HSPH1: variants seen among roughly 807,000 people sequenced by gnomAD.
The protein encoded by HSPH1 is heat shock protein 105 kDa.
Under a neutral mutation model 100.0 loss-of-function variants are expected in HSPH1, and 40 were observed. That is an observed-to-expected ratio of 0.40 (90% CI 0.31 to 0.52). The LOEUF is 0.52. HSPH1 is among the 20% of genes least tolerant of loss of function. HSPH1 has a pLI of 0.54. For synonymous variants in HSPH1, 403 were observed against 344.0 expected (o/e 1.17, Z -1.90); for missense variants, 876 against 1,015.1 (o/e 0.86, Z 1.86).
rs942819182 is a variant in HSPH1 at position 31,138,221 on chromosome 13, AG to A, written c.2370+185del. On this transcript the variant is annotated intron_variant, in intron 17 of 17. Transcript: ENST00000320027. ...GTTGAAATGAATGAATAAATGGAGA[AG>A]TGGAAATTCAACAAACTTATGAGGT... Among the ~76,000 whole-genome samples, 100 of 152,288 alleles carry A rather than the reference AG, an allele frequency of 6.6e-4. 1 individual carries two copies. Among genetic ancestry groups the A allele is most frequent in the Non-Finnish European group, 1.6e-4 (11 of 67,982 alleles).
chr13:31,139,501 G>T (rs1190431434), intron 14 of HSPH1, among the ~76,000 whole-genome samples: 1 of 151,950 alleles, frequency 6.6e-6, no homozygotes, highest in African/African-American at 2.4e-5. Context: ...GCCCTGGGAG[G>T]TCCTACCTGG....
chr13:31,147,621 G>A (rs1029160612), intron 10 of HSPH1, among the ~76,000 whole-genome samples: 3 of 152,066 alleles, frequency 2.0e-5, no homozygotes, highest in African/African-American at 7.2e-5. Context: ...TAGAGAAAAA[G>A]TTAGTATTAA....
intron 1 of HSPH1, among the ~76,000 whole-genome samples, chr13:31,160,784 C>CA (rs992329541): frequency 8.5e-4 from 128 of 149,788 alleles, no homozygotes; most frequent in African/African-American, 2.6e-3. Context: ...TGGCAAAGAG[C>CA]AAAAAAAAAG....
chr13:31,140,377 A>C, intron 13 of HSPH1, 68 bp from the exon 14 acceptor site: 6 of 1,450,862 alleles, frequency 4.1e-6, no homozygotes, highest in Non-Finnish European at 4.7e-6. Flanking sequence ...AAATATGTAG[A>C]CTCTGGGGTT....
chr13:31,162,114 C>T, upstream of HSPH1: 5 of 1,535,348 alleles, frequency 3.3e-6, no homozygotes, highest in Non-Finnish European at 4.4e-6. Flanking sequence ...AGGGCCGCTC[C>T]CGTGCCATTG....
At chr13:31,160,313 G>T (rs571935492) in intron 1 of HSPH1, among the ~76,000 whole-genome samples, 2 of 152,240 alleles carry the variant, frequency 1.3e-5, no homozygotes, top group South Asian at 4.1e-4. Context: ...CGTACAGGTT[G>T]CTCAGAACAG....
intron 10 of HSPH1, among the ~76,000 whole-genome samples, chr13:31,146,931 G>T (rs1036189117): frequency 6.6e-6 from 1 of 152,116 alleles, no homozygotes; most frequent in Non-Finnish European, 1.5e-5. Context: ...TAAACACACA[G>T]AACTATAGAT....
At chr13:31,137,570 A>G (rs751363773) in intron 17 of HSPH1, 46 bp from the exon 18 acceptor site, 2 of 1,440,588 alleles carry the variant, frequency 1.4e-6, no homozygotes, top group Non-Finnish European at 1.9e-6. Context: ...AGATCCATCC[A>G]GTTCATTTTC....
At chr13:31,142,630 C>G (rs1235557617) in intron 12 of HSPH1, among the ~76,000 whole-genome samples, 1 of 152,040 alleles carries the variant, frequency 6.6e-6, no homozygotes, top group Admixed American at 6.6e-5. Flanking sequence ...CTGACAAAAC[C>G]AGCATCACAA....
rs1047565054 is a variant in HSPH1 at position 31,151,989 on chromosome 13, C to T, written c.530-247G>A. Reference sequence around the variant, plus strand: ...GAGATGTGCTAGACAAAACATATGGCGTGAATACAGTGAAACATAACCACG... The same window carrying T: ...GAGATGTGCTAGACAAAACATATGGTGTGAATACAGTGAAACATAACCACG... On this transcript the variant is annotated intron_variant, in intron 5 of 17. Transcript: ENST00000320027. 14 of 387,414 alleles carry T rather than the reference C, an allele frequency of 3.6e-5. No individual in the cohort carries two copies. The South Asian group carries it at 5.1e-4, about 14-fold the overall frequency. The allele number at this position is 387,414 out of a possible 1,614,324, so 24.0% of individuals were successfully genotyped here. A position where few individuals can be genotyped will look rare whatever the true frequency, so the allele number is the denominator to read the frequency against.
intron 8 of HSPH1, among the ~76,000 whole-genome samples, chr13:31,148,958 C>T (rs920455303): frequency 6.6e-6 from 1 of 151,984 alleles, no homozygotes; most frequent in Non-Finnish European, 1.5e-5. Context: ...AAAGGCAACA[C>T]CCAACAGATA....
chr13:31,158,833 T>C lies in HSPH1; in HGVS notation c.138A>G (p.Arg46=). 6.2e-7 allele frequency: 1 copy of C among 1,605,854 alleles called. No homozygotes were observed. Among genetic ancestry groups the C allele is most frequent in the South Asian group, 1.1e-5 (1 of 90,936 alleles). ...GATTTTTGGCTGCAACTCCGATTGT[T>C]CTATTTTTTGATCCAAATGATATGA... ...PSVISFGSKN[R]TIGVAAKNQQ... Residue 46 remains arginine, a synonymous_variant, in exon 2 of 18, where the codon AGA becomes AGG. Transcript: ENST00000320027.
At chr13:31,158,936 T>G (rs889036638) in intron 1 of HSPH1, 73 bp from the exon 2 acceptor site, 1 of 925,750 alleles carries the variant, frequency 1.1e-6, no homozygotes, top group African/African-American at 1.6e-5. Flanking sequence ...AGAAAAATAC[T>G]AACATAAATG....
chr13:31,162,313 G>C, upstream of HSPH1: 3 of 591,574 alleles, frequency 5.1e-6, no homozygotes, highest in South Asian at 6.0e-5. Context: ...AGAGACCCCA[G>C]ACACCGGGAT....
At position 31,158,921 on chromosome 13, in the gene HSPH1, A is replaced by G. The variant is rs7329111; in HGVS notation, c.108-58T>C. ...GCATAAAGGTTGATATTTTAAACTG[A>G]TAAGAGAAAAATACTAACATAAATG... On this transcript the variant is annotated intron_variant, in intron 1 of 17. Transcript: ENST00000320027. 6,671 of 1,043,354 alleles carry G rather than the reference A, an allele frequency of 6.4e-3. 286 individuals carry two copies. The African/African-American group carries it at 0.094, about 15-fold the overall frequency. 64.6% of individuals were successfully genotyped at this position (1,043,354 alleles called of 1,614,324 possible).
At chr13:31,138,932 C>A (rs758959311) in intron 15 of HSPH1, 32 bp from the exon 16 acceptor site, 2 of 1,571,416 alleles carry the variant, frequency 1.3e-6, no homozygotes, top group Non-Finnish European at 1.7e-6. Flanking sequence ...TAATAGTTAT[C>A]ATAATTTTAT....
chr13:31,143,555 G>A (rs1342276830), intron 12 of HSPH1, among the ~76,000 whole-genome samples: 1 of 152,084 alleles, frequency 6.6e-6, no homozygotes, highest in Non-Finnish European at 1.5e-5. Flanking sequence ...GTTACTTCGA[G>A]TGGCAGTTAA....
intron 6 of HSPH1, 29 bp from the exon 7 acceptor site, chr13:31,151,220 G>A: frequency 6.5e-7 from 1 of 1,548,380 alleles, no homozygotes; most frequent in Non-Finnish European, 8.7e-7. Context: ...CAAATAGTCT[G>A]GTTATTTTCA....
Position 31,139,122 on chromosome 13 carries a change from T to C in HSPH1, c.1981-15A>G, listed in dbSNP as rs779087468. On this transcript the variant is annotated splice_polypyrimidine_tract_variant and intron_variant, in intron 14 of 17. Transcript: ENST00000320027. ...TTTTGATGATCCTTAACACAAAATA[T>C]GACAATATTAGTGGCACTCGTACTT... The C allele has an allele frequency of 1.4e-6, 2 of 1,474,580 alleles. No homozygotes were observed. The highest frequency in any genetic ancestry group is 9.5e-7 in the Non-Finnish European group (1 of 1,053,480). The allele number at this position is 1,474,580 out of a possible 1,614,324, so 91.3% of individuals were successfully genotyped here.
Sources: allele counts gnomAD v4.1 joint callset (sites outside exome capture counted in the v4.1 genomes callset), GRCh38; gene constraint gnomAD v4.1.1; transcripts MANE v1.5; gene names NCBI Gene and HGNC (gene_info 2026-07-23, HGNC 2026-07-21).